The following SRL variants were observed in gnomAD, a reference collection of about 807,000 sequenced individuals.
SRL encodes sarcalumenin.
A neutral mutation model predicts 39.5 loss-of-function variants in SRL; 23 were observed. The ratio of observed to expected loss-of-function variants is 0.58; its 90% CI spans 0.42 to 0.82. The LOEUF is 0.82. Ranked by LOEUF, SRL falls within the 40% of genes least tolerant of loss-of-function variation. SRL has a pLI of 0.00. For synonymous variants in SRL, 272 were observed against 237.4 expected (o/e 1.15, Z -1.34); for missense variants, 592 against 607.8 (o/e 0.97, Z 0.27).
At position 4,198,017 on chromosome 16, in the gene SRL, T is replaced by A; in HGVS notation, c.260-102A>T. The A allele has an allele frequency of 2.5e-6, 2 of 805,066 alleles. 1 individual carries two copies. The highest frequency in any genetic ancestry group is 4.3e-6 in the Non-Finnish European group (2 of 461,756). 49.9% of individuals were successfully genotyped at this position (805,066 alleles called of 1,614,324 possible). ...CATCTCACCGTCCATCCAACTGAGT[T>A]GTGGAATTCTCCATGAATCAGACGT... On this transcript the variant is annotated intron_variant, in intron 3 of 5. Transcript: ENST00000399609.
chr16:4,198,030 A>C (rs551986157), intron 3 of SRL, 115 bp from the exon 4 acceptor site: 30 of 750,550 alleles, frequency 4.0e-5, no homozygotes, highest in Non-Finnish European at 6.2e-5. Context: ...GGAATTCTCC[A>C]TGAATCAGAC....
chr16:4,211,621 G>GATC lies in SRL; in HGVS notation c.62-6988_62-6987insGAT, dbSNP rs2052393721. Among the ~76,000 whole-genome samples, 2 of 146,690 alleles carry GATC rather than the reference G, an allele frequency of 1.4e-5. 1 individual carries two copies. Among genetic ancestry groups the GATC allele is most frequent in the African/African-American group, 5.2e-5 (2 of 38,586 alleles). On this transcript the variant is annotated intron_variant, in intron 1 of 5. Transcript: ENST00000399609. ...TGGTGATGACCGTGCCGATGATGAG[G>GATC]GTCGTGATGATGATGATGATGGTGA... is the stretch of plus-strand genomic sequence containing the variant.
chr16:4,224,670 C>A (rs1471183902), intron 1 of SRL, among the ~76,000 whole-genome samples: 1 of 151,674 alleles, frequency 6.6e-6, no homozygotes, highest in Non-Finnish European at 1.5e-5. Context: ...GAGATTGCGC[C>A]ACTGCACTCA....
intron 1 of SRL, among the ~76,000 whole-genome samples, chr16:4,237,711 G>A (rs562131345): frequency 5.3e-5 from 8 of 152,148 alleles, no homozygotes; most frequent in East Asian, 1.9e-4. Flanking sequence ...CCAGAGCCCC[G>A]TTGCTCTGGC....
rs1326450617 is a variant in SRL, at chr16:4,190,382, A to C, written c.*1771T>G. 1 of 398,504 alleles carries C rather than the reference A, an allele frequency of 2.5e-6. No homozygotes were observed. The highest frequency in any genetic ancestry group is 2.1e-5 in the African/African-American group (1 of 48,596). 24.7% of individuals were successfully genotyped at this position (398,504 alleles called of 1,614,324 possible). A position where few individuals can be genotyped will look rare whatever the true frequency, so the allele number is the denominator to read the frequency against. On this transcript the variant is annotated 3_prime_UTR_variant, in exon 6 of 6. Transcript: ENST00000399609. Reference sequence around the variant, plus strand: ...CATCCTGACTCCTGCCTCGTGGGTAAGGCCCCCAGGACAGCTTGTTCCCAA... The same window carrying C: ...CATCCTGACTCCTGCCTCGTGGGTACGGCCCCCAGGACAGCTTGTTCCCAA...
chr16:4,209,150 T>G (rs2052362115), intron 1 of SRL, among the ~76,000 whole-genome samples: 1 of 152,034 alleles, frequency 6.6e-6, no homozygotes, highest in Non-Finnish European at 1.5e-5. Flanking sequence ...GACACACACC[T>G]GTAATCCCGG....
chr16:4,207,037 C>A (rs1313317546), intron 1 of SRL: 1 of 453,444 alleles, frequency 2.2e-6, no homozygotes, highest in South Asian at 1.6e-5. Context: ...TCCTGGGACT[C>A]CTCGGCTTCC....
At chr16:4,201,465 C>A (rs1246578519) in intron 3 of SRL, among the ~76,000 whole-genome samples, 1 of 149,672 alleles carries the variant, frequency 6.7e-6, no homozygotes, top group African/African-American at 2.5e-5. Flanking sequence ...TTAGTAGAGG[C>A]AGGGTTCTGC....
intron 1 of SRL, among the ~76,000 whole-genome samples, chr16:4,221,142 G>T (rs2052526237): frequency 6.6e-6 from 1 of 151,680 alleles, no homozygotes; most frequent in Admixed American, 6.6e-5. Context: ...TCTGCCTCCT[G>T]GGTTCAAGTG....
chr16:4,231,315 C>CA (rs538201272), intron 1 of SRL, among the ~76,000 whole-genome samples: 27 of 151,792 alleles, frequency 1.8e-4, no homozygotes, highest in African/African-American at 3.6e-4. Flanking sequence ...GACCCTGTCT[C>CA]AAAAAAAACA....
chr16:4,207,841 C>T, intron 1 of SRL: 1 of 456,458 alleles, frequency 2.2e-6, no homozygotes, highest in Non-Finnish European at 4.4e-6. Context: ...TCCCTTTCCC[C>T]AGGTGGAGGT....
At chr16:4,208,582 C>T (rs1357002137) in intron 1 of SRL, among the ~76,000 whole-genome samples, 1 of 152,208 alleles carries the variant, frequency 6.6e-6, no homozygotes, top group Non-Finnish European at 1.5e-5. Context: ...GCAGTTCCTA[C>T]TGTCATTAAC....
At chr16:4,198,782 G>A (rs1401550599) in intron 3 of SRL, among the ~76,000 whole-genome samples, 2 of 152,104 alleles carry the variant, frequency 1.3e-5, no homozygotes, top group African/African-American at 2.4e-5. Flanking sequence ...AGCCTCTAAA[G>A]TCCATGACAA....
At chr16:4,212,337 C>G (rs58192144) in intron 1 of SRL, among the ~76,000 whole-genome samples, 84,292 of 152,048 alleles carry the variant, frequency 0.55, 24,290 homozygotes, top group African/African-American at 0.7. Flanking sequence ...CCAGAGCTCA[C>G]TCCCCAGGAA....
chr16:4,191,978 A>G lies in SRL; in HGVS notation c.*175T>C. The stretch of plus-strand genomic sequence containing the variant: ...AAGCACACAGGAATTCACAGTTTCC[A>G]CTCTCCTCCCTAGACCCACACACCT... On this transcript the variant is annotated 3_prime_UTR_variant, in exon 6 of 6. Transcript: ENST00000399609. 1 of 624,296 alleles carries G rather than the reference A, an allele frequency of 1.6e-6. No homozygotes were observed. Among genetic ancestry groups the G allele is most frequent in the Non-Finnish European group, 2.7e-6 (1 of 376,294 alleles). The allele number at this position is 624,296 out of a possible 1,614,324, so 38.7% of individuals were successfully genotyped here. A position where few individuals can be genotyped will look rare whatever the true frequency, so the allele number is the denominator to read the frequency against.
At chr16:4,205,396 A>G (rs765184946) in intron 1 of SRL, among the ~76,000 whole-genome samples, 5 of 152,196 alleles carry the variant, frequency 3.3e-5, no homozygotes, top group Non-Finnish European at 7.3e-5. Flanking sequence ...AGCCTGGGCA[A>G]AAGAGGGAGA....
In SRL at chr16:4,189,779, C is replaced by G. The variant is rs922422795; in HGVS notation, c.*2374G>C. 1.3e-5 allele frequency: 2 copies of G among 152,978 alleles called. No homozygotes were observed. The highest frequency in any genetic ancestry group is 2.4e-5 in the African/African-American group (1 of 41,488). The allele number at this position is 152,978 out of a possible 1,614,324, so 9.5% of individuals were successfully genotyped here. A position where few individuals can be genotyped will look rare whatever the true frequency, so the allele number is the denominator to read the frequency against. ...CTCATCCCAGCCATTTCCCCCAAAG[C>G]AGTGGTGACACCAACAGCTATGACA... On this transcript the variant is annotated 3_prime_UTR_variant, in exon 6 of 6. Coordinates refer to ENST00000399609, the MANE Select transcript of SRL (RefSeq NM_001098814.2).
In SRL at chr16:4,214,219, G is replaced by A. The variant is rs182676580; in HGVS notation, c.62-9585C>T. ...GGTGTTGAATGTATTCAGTGCCTTC[G>A]TGCAATCAAATGTAGATTCTATTCC... On this transcript the variant is annotated intron_variant, in intron 1 of 5. Transcript: ENST00000399609. Among the ~76,000 whole-genome samples the A allele has an allele frequency of 2.6e-5, 4 of 152,258 alleles. No homozygotes were observed. In the East Asian group the frequency reaches 7.7e-4, roughly 29 times the overall value.
chr16:4,238,686 C>T (rs150156599), intron 1 of SRL, among the ~76,000 whole-genome samples: 118 of 151,084 alleles, frequency 7.8e-4, no homozygotes, highest in African/African-American at 2.6e-3. Context: ...GTCAGTGATG[C>T]AATCACAACT....
Sources: gnomAD v4.1 joint callset for allele counts (sites outside exome capture counted in the v4.1 genomes callset) on GRCh38, gnomAD v4.1.1 for gene constraint, MANE v1.5 for transcripts, NCBI Gene and HGNC (gene_info 2026-07-23, HGNC 2026-07-21) for gene names.